PPP1R1C: variants seen among roughly 807,000 people sequenced by gnomAD.
PPP1R1C encodes the protein protein phosphatase 1 regulatory subunit 1C.
Under a neutral mutation model 17.4 loss-of-function variants are expected in PPP1R1C, and 15 were observed. The ratio of observed to expected loss-of-function variants is 0.86; its 90% CI spans 0.58 to 1.33. PPP1R1C has a LOEUF of 1.33. PPP1R1C is among the 40% of genes most tolerant of loss of function. The pLI, the probability that PPP1R1C is intolerant of heterozygous loss-of-function variation, is 0.00. For synonymous variants in PPP1R1C, 35 were observed against 43.1 expected, an observed-to-expected ratio of 0.81 and a Z score of 0.73; for missense variants, 143 against 130.0, an observed-to-expected ratio of 1.10 and a Z score of -0.48.
upstream of PPP1R1C, among the ~76,000 whole-genome samples, chr2:181,983,244 G>T (rs568158218): frequency 2.0e-5 from 3 of 152,312 alleles, no homozygotes; most frequent in East Asian, 5.8e-4. Context: ...CAAGCCCTAT[G>T]CAAAATTGCC....
At chr2:182,033,298 A>G (rs1282074834) in intron 2 of PPP1R1C, among the ~76,000 whole-genome samples, 1 of 151,972 alleles carries the variant, frequency 6.6e-6, no homozygotes, top group Non-Finnish European at 1.5e-5. Context: ...TCTTAATTTT[A>G]TTTACTCTCA....
intron 2 of PPP1R1C, among the ~76,000 whole-genome samples, chr2:182,057,307 A>T (rs1687715161): frequency 6.6e-6 from 1 of 152,158 alleles, no homozygotes; most frequent in Admixed American, 6.5e-5. Context: ...GAGTAAAGGA[A>T]GTGCTGTGGG....
At chr2:182,069,398 G>A (rs908189802) in intron 4 of PPP1R1C, among the ~76,000 whole-genome samples, 7 of 151,674 alleles carry the variant, frequency 4.6e-5, no homozygotes, top group African/African-American at 1.7e-4. Flanking sequence ...GGAGGGTGGA[G>A]TCAGGTTGGA....
chr2:182,130,264 C>T (rs1457906446), downstream of PPP1R1C: 1 of 152,132 alleles, frequency 6.6e-6, no homozygotes, highest in Admixed American at 6.5e-5. Flanking sequence ...TTACTTCCTA[C>T]TCTTAGACTT....
downstream of PPP1R1C, among the ~76,000 whole-genome samples, chr2:182,119,837 G>A (rs1392381660): frequency 2.0e-5 from 3 of 152,046 alleles, no homozygotes; most frequent in East Asian, 3.9e-4. Context: ...TTGCAAAAAT[G>A]TTCTCCCATT....
intron 2 of PPP1R1C, among the ~76,000 whole-genome samples, chr2:182,024,284 T>C (rs919664438): frequency 1.3e-5 from 2 of 152,166 alleles, no homozygotes; most frequent in Non-Finnish European, 1.5e-5. Context: ...TAAATAACTA[T>C]GTTTTGGAAG....
intron 4 of PPP1R1C, among the ~76,000 whole-genome samples, chr2:182,078,625 CA>C (rs1445647017): frequency 2.6e-5 from 4 of 152,122 alleles, no homozygotes; most frequent in East Asian, 1.9e-4. Context: ...GAAAAAATAG[CA>C]GAAAGAAGGA....
intron 4 of PPP1R1C, among the ~76,000 whole-genome samples, chr2:182,100,953 G>A (rs1282710728): frequency 6.6e-6 from 1 of 152,156 alleles, no homozygotes; most frequent in Non-Finnish European, 1.5e-5. Flanking sequence ...CATGTTTGGT[G>A]GTCATGAGAA....
chr2:182,053,757 T>TTTTA (rs200477341), intron 2 of PPP1R1C, among the ~76,000 whole-genome samples: 7 of 151,178 alleles, frequency 4.6e-5, no homozygotes, highest in South Asian at 2.1e-4. Flanking sequence ...TTTTGCAGAT[T>TTTTA]TTTATTTATT....
At chr2:182,112,560 A>G (rs187904672) in intron 4 of PPP1R1C, among the ~76,000 whole-genome samples, 74 of 152,326 alleles carry the variant, frequency 4.9e-4, no homozygotes, top group Admixed American at 7.8e-4. Context: ...CCAGGTAAAG[A>G]GCCCCCAATA....
intron 2 of PPP1R1C, among the ~76,000 whole-genome samples, chr2:181,980,419 C>G (rs868495602): frequency 1.5e-4 from 23 of 152,284 alleles, no homozygotes; most frequent in Middle Eastern, 3.4e-3. Flanking sequence ...TGGACTTGAG[C>G]TAAAGCCTGT....
chr2:181,986,275 C>A, intron 1 of PPP1R1C, 84 bp downstream of exon 1: 1 of 1,137,236 alleles, frequency 8.8e-7, no homozygotes, highest in Non-Finnish European at 1.3e-6. Context: ...AGGTTCTTTA[C>A]CTTTTGATTT....
At chr2:181,970,718 G>A (rs74808659) in intron 1 of PPP1R1C, among the ~76,000 whole-genome samples, 3,336 of 152,256 alleles carry the variant, frequency 0.022, 107 homozygotes, top group African/African-American at 0.074. Context: ...CCAGGGCCTG[G>A]AGTCAGGAAG....
intron 2 of PPP1R1C, among the ~76,000 whole-genome samples, chr2:182,001,618 G>A (rs1224534851): frequency 1.3e-5 from 2 of 151,954 alleles, no homozygotes; most frequent in South Asian, 2.1e-4. Flanking sequence ...CATTTCCTTT[G>A]AGTTGTAAAA....
chr2:182,041,477 C>G (rs1010020306), intron 2 of PPP1R1C, among the ~76,000 whole-genome samples: 1 of 151,852 alleles, frequency 6.6e-6, no homozygotes, highest in East Asian at 1.9e-4. Context: ...GTTGTGGCGG[C>G]AGCTGCCTGT....
At chr2:182,030,645 A>G (rs893812910) in intron 2 of PPP1R1C, among the ~76,000 whole-genome samples, 40 of 147,366 alleles carry the variant, frequency 2.7e-4, no homozygotes, top group African/African-American at 9.9e-4. Context: ...TTAAGTCTGC[A>G]GAGGTTACTG....
intron 2 of PPP1R1C, among the ~76,000 whole-genome samples, chr2:182,023,520 T>C (rs1237995147): frequency 1.3e-5 from 2 of 152,068 alleles, no homozygotes; most frequent in Admixed American, 1.3e-4. Context: ...AAAAACAAAT[T>C]ATATAGTATC....
rs1034285976 is a variant in PPP1R1C at position 182,064,594 on chromosome 2, C to A, written c.241+803C>A. On this transcript the variant is annotated intron_variant, in intron 4 of 4. Coordinates refer to ENST00000682840, the MANE Select transcript of PPP1R1C (RefSeq NM_001080545.3). ...AGGGCTAAATTGGGAGTGAAATTTC[C>A]CACTCTGTATTTGCTCTAGATTTGG... 2.6e-5 allele frequency among the ~76,000 whole-genome samples: 4 copies of A among 152,088 alleles called. No homozygotes were observed. The South Asian group carries it at 6.2e-4, about 24-fold the overall frequency.
chr2:182,084,190 G>A (rs564449674), intron 4 of PPP1R1C, among the ~76,000 whole-genome samples: 2 of 152,056 alleles, frequency 1.3e-5, no homozygotes, highest in African/African-American at 4.8e-5. Context: ...AGCACAGTTT[G>A]CAAGTATTTT....
Sources: gnomAD v4.1 joint callset for allele counts (sites outside exome capture counted in the v4.1 genomes callset) on GRCh38, gnomAD v4.1.1 for gene constraint, MANE v1.5 for transcripts, NCBI Gene and HGNC (gene_info 2026-07-23, HGNC 2026-07-21) for gene names.